Variants in SORCS3 observed in about 807,000 individuals in gnomAD.
SORCS3 encodes sortilin related VPS10 domain containing receptor 3, also known as VPS10 domain-containing receptor SorCS3.
A neutral mutation model predicts 146.3 loss-of-function variants in SORCS3; 57 were observed. That is an observed-to-expected ratio of 0.39 (90% CI 0.31 to 0.49). The LOEUF is 0.49. SORCS3 is among the 20% of genes least tolerant of loss of function. The probability of loss-of-function intolerance (pLI) is 0.92; values close to 1 mark genes in which losing one functional copy is unlikely to be tolerated. For missense variants in SORCS3, 1,341 were observed against 1,575.5 expected (o/e 0.85, Z 2.52); for synonymous variants, 653 against 618.5 (o/e 1.06, Z -0.83).
At chr10:105,247,398 AAT>A in intron 22 of SORCS3, 67 bp downstream of exon 22, 1 of 834,510 alleles carries the variant, frequency 1.2e-6, no homozygotes, top group Non-Finnish European at 2.0e-6. Context: ...TGTGGTCCAC[AAT>A]ACATTGGCAT....
intron 2 of SORCS3, among the ~76,000 whole-genome samples, chr10:104,857,475 C>A (rs905749888): frequency 6.6e-6 from 1 of 151,306 alleles, no homozygotes; most frequent in Non-Finnish European, 1.5e-5. Context: ...TTCATTTATT[C>A]CTTAATTAAT....
rs74155030 is a variant in SORCS3 at position 104,768,357 on chromosome 10, G to A, written c.628-74435G>A. ...TTGGATTGGAATTCAGTATTAAGGA[G>A]GTGAACAACAGATAGTTTTTGAGAC... On this transcript the variant is annotated intron_variant, in intron 1 of 26. Coordinates refer to ENST00000369701, the MANE Select transcript of SORCS3 (RefSeq NM_014978.3). Among the ~76,000 whole-genome samples, 621 of 152,274 alleles carry A rather than the reference G, an allele frequency of 4.1e-3. 3 individuals are homozygous for A. The highest frequency in any genetic ancestry group is 0.014 in the African/African-American group (569 of 41,558).
chr10:105,053,373 G>A (rs1002340680), intron 5 of SORCS3, among the ~76,000 whole-genome samples: 2 of 151,982 alleles, frequency 1.3e-5, no homozygotes, highest in African/African-American at 4.8e-5. Flanking sequence ...GCTTGTCGGG[G>A]AAGTGGAGAG....
Position 105,256,901 on chromosome 10 carries a change from G to A in SORCS3, c.3420G>A (p.Val1140=). 6.2e-7 allele frequency: 1 copy of A among 1,614,054 alleles called. No individual in the cohort carries two copies. Among genetic ancestry groups the A allele is most frequent in the Non-Finnish European group, 8.5e-7 (1 of 1,179,904 alleles). Reference sequence around the variant, plus strand: ...CAGTGGTATTTGTTGGCCTGGCTGTGTTTTTGATCTACAAGTTTAAAAGGT... The same window carrying A: ...CAGTGGTATTTGTTGGCCTGGCTGTATTTTTGATCTACAAGTTTAAAAGGT... ...LLSVVFVGLA[V]FLIYKFKRKI... Residue 1140 remains valine, a synonymous_variant, in exon 25 of 27, where the codon GTG becomes GTA. Transcript: ENST00000369701.
At chr10:104,672,554 GA>G (rs2015867912) in intron 1 of SORCS3, among the ~76,000 whole-genome samples, 1 of 151,882 alleles carries the variant, frequency 6.6e-6, no homozygotes, top group South Asian at 2.1e-4. Flanking sequence ...ATTGATTTGA[GA>G]TCTTTCCTGT....
At chr10:105,135,313 A>G (rs748137943) in intron 7 of SORCS3, among the ~76,000 whole-genome samples, 1 of 152,142 alleles carries the variant, frequency 6.6e-6, no homozygotes, top group Non-Finnish European at 1.5e-5. Context: ...CCAACATTCC[A>G]TGGGAGCCTG....
intron 2 of SORCS3, among the ~76,000 whole-genome samples, chr10:104,909,354 C>T (rs2018942419): frequency 1.3e-5 from 2 of 152,008 alleles, no homozygotes; most frequent in Admixed American, 6.5e-5. Context: ...TAAATATATG[C>T]AAAGGAATGA....
At position 104,679,931 on chromosome 10, in the gene SORCS3, C is replaced by T. The variant is rs189966434; in HGVS notation, c.627+37977C>T. The stretch of plus-strand genomic sequence containing the variant: ...AAACATGGGATTAAATGCAATAAAA[C>T]GAAAAAAAGAGAGAGCATATATTGT... On this transcript the variant is annotated intron_variant, in intron 1 of 26. Coordinates refer to ENST00000369701, the MANE Select transcript of SORCS3 (RefSeq NM_014978.3). 2.1e-4 allele frequency among the ~76,000 whole-genome samples: 32 copies of T among 151,454 alleles called. No homozygotes were observed. In the East Asian group the frequency reaches 4.5e-3, roughly 21 times the overall value.
At chr10:104,754,159 T>A (rs2017020405) in intron 1 of SORCS3, among the ~76,000 whole-genome samples, 1 of 152,154 alleles carries the variant, frequency 6.6e-6, no homozygotes, top group South Asian at 2.1e-4. Context: ...AGCTTACCCG[T>A]TTGTGATAAG....
intron 5 of SORCS3, among the ~76,000 whole-genome samples, chr10:105,060,662 G>A (rs1309551630): frequency 6.6e-6 from 1 of 152,126 alleles, no homozygotes; most frequent in Non-Finnish European, 1.5e-5. Flanking sequence ...AAAAAGTCTG[G>A]GCGCGGTGGC....
intron 7 of SORCS3, among the ~76,000 whole-genome samples, chr10:105,122,462 A>G (rs932251324): frequency 6.6e-6 from 1 of 152,198 alleles, no homozygotes; most frequent in Non-Finnish European, 1.5e-5. Context: ...AGGATCTACT[A>G]TGTACCCAGT....
intron 1 of SORCS3, among the ~76,000 whole-genome samples, chr10:104,759,684 T>C (rs1315354062): frequency 6.6e-6 from 1 of 152,204 alleles, no homozygotes; most frequent in African/African-American, 2.4e-5. Flanking sequence ...GATATCTTTT[T>C]CTACACCCAG....
intron 3 of SORCS3, among the ~76,000 whole-genome samples, chr10:104,924,777 C>T (rs2019122681): frequency 6.6e-6 from 1 of 152,108 alleles, no homozygotes; most frequent in Non-Finnish European, 1.5e-5. Flanking sequence ...CTTACCTGTC[C>T]CCTTCTTTCA....
intron 1 of SORCS3, among the ~76,000 whole-genome samples, chr10:104,765,463 C>T (rs2017168642): frequency 6.6e-6 from 1 of 152,190 alleles, no homozygotes; most frequent in Non-Finnish European, 1.5e-5. Context: ...TTATTTTGAC[C>T]TCTCAGGGTT....
intron 20 of SORCS3, among the ~76,000 whole-genome samples, chr10:105,226,419 T>A (rs1486164920): frequency 6.6e-6 from 1 of 151,962 alleles, no homozygotes; most frequent in East Asian, 1.9e-4. Context: ...TTGATCTTGA[T>A]GTATATTTTT....
chr10:104,879,678 C>G (rs1022557550), intron 2 of SORCS3, among the ~76,000 whole-genome samples: 1 of 152,174 alleles, frequency 6.6e-6, no homozygotes, highest in Admixed American at 6.5e-5. Context: ...GATGCCTCCC[C>G]TAGTTGGAGA....
chr10:105,247,195 C>T (rs1381040247), intron 21 of SORCS3, 24 bp from the exon 22 acceptor site: 4 of 1,413,760 alleles, frequency 2.8e-6, no homozygotes, highest in Non-Finnish European at 4.0e-6. Context: ...CCCAGCCTCA[C>T]TTAAACATTC....
At position 105,139,422 on chromosome 10, in the gene SORCS3, A is replaced by T. The variant is rs2056080064; in HGVS notation, c.1238A>T (p.Tyr413Phe). ...GTAACAACTAGTGGAAGAGCCAGCTACTACGTGTCTTATCGAAGAGAGGCC... is the reference window on the plus strand; with the variant it reads ...GTAACAACTAGTGGAAGAGCCAGCTTCTACGTGTCTTATCGAAGAGAGGCC... ...IQVTTSGRASYYVSYRREAFA... is the reference protein window; with the variant it reads ...IQVTTSGRASFYVSYRREAFA... Residue 413 changes from tyrosine to phenylalanine, a missense_variant, in exon 8 of 27, where the codon TAC (tyrosine) becomes TTC (phenylalanine). Transcript: ENST00000369701. The T allele has an allele frequency of 6.2e-7, 1 of 1,613,530 alleles. No individual in the cohort carries two copies. Among genetic ancestry groups the T allele is most frequent in the Non-Finnish European group, 8.5e-7 (1 of 1,179,614 alleles).
chr10:105,100,981 G>A (rs567966508), intron 6 of SORCS3, among the ~76,000 whole-genome samples: 1 of 152,206 alleles, frequency 6.6e-6, no homozygotes, highest in Non-Finnish European at 1.5e-5. Flanking sequence ...TCTGCACATA[G>A]TAAGTCCCGG....
Sources: gnomAD v4.1 joint callset for allele counts (sites outside exome capture counted in the v4.1 genomes callset) on GRCh38, gnomAD v4.1.1 for gene constraint, MANE v1.5 for transcripts, NCBI Gene and HGNC (gene_info 2026-07-23, HGNC 2026-07-21) for gene names.